Variants in MACROD2 observed in about 807,000 individuals in gnomAD.
MACROD2 encodes ADP-ribose glycohydrolase MACROD2.
A neutral mutation model predicts 70.4 loss-of-function variants in MACROD2; 36 were observed. The observed-to-expected ratio is 0.51, with a 90% CI of 0.39 to 0.68. The LOEUF is 0.68. Among genes scored for constraint, MACROD2 ranks in the 30% least tolerant of loss-of-function variants. The pLI is 0.00. For missense variants in MACROD2, 496 were observed against 538.4 expected (o/e 0.92, Z 0.78); for synonymous variants, 172 against 178.8 (o/e 0.96, Z 0.30).
At chr20:15,989,118 A>G (rs1039613962) in intron 15 of MACROD2, among the ~76,000 whole-genome samples, 3 of 152,202 alleles carry the variant, frequency 2.0e-5, no homozygotes, top group Non-Finnish European at 2.9e-5. Flanking sequence ...AATTAAAACA[A>G]TGCATGACAC....
At chr20:15,416,051 T>G (rs1263206989) in intron 6 of MACROD2, among the ~76,000 whole-genome samples, 1 of 152,194 alleles carries the variant, frequency 6.6e-6, no homozygotes, top group Non-Finnish European at 1.5e-5. Flanking sequence ...ATTAATGCAG[T>G]GAACACTGAG....
chr20:15,499,653 T>C, intron 7 of MACROD2, 121 bp from the exon 8 acceptor site: 1 of 804,182 alleles, frequency 1.2e-6, no homozygotes, highest in Non-Finnish European at 2.1e-6. Flanking sequence ...TACTGAGGCC[T>C]GTACTTATTG....
chr20:14,612,150 G>C (rs1983210834), intron 4 of MACROD2, among the ~76,000 whole-genome samples: 2 of 152,208 alleles, frequency 1.3e-5, no homozygotes, highest in South Asian at 4.1e-4. Flanking sequence ...AGATGTTTAA[G>C]CACCAAAGGG....
intron 6 of MACROD2, among the ~76,000 whole-genome samples, chr20:15,243,492 T>C (rs2077077969): frequency 6.6e-6 from 1 of 152,182 alleles, no homozygotes; most frequent in African/African-American, 2.4e-5. Context: ...TTCTTGGTTA[T>C]CTGGCTCATT....
chr20:15,806,161 C>T (rs2063767369), intron 8 of MACROD2, among the ~76,000 whole-genome samples: 1 of 152,318 alleles, frequency 6.6e-6, no homozygotes, highest in Non-Finnish European at 1.5e-5. Context: ...CTCCAACATG[C>T]CTTTTCCCTG....
At chr20:15,993,759 C>G (rs969910024) in intron 15 of MACROD2, among the ~76,000 whole-genome samples, 1 of 152,164 alleles carries the variant, frequency 6.6e-6, no homozygotes, top group African/African-American at 2.4e-5. Flanking sequence ...TAATATCATA[C>G]AGGACAATAC....
intron 5 of MACROD2, among the ~76,000 whole-genome samples, chr20:14,812,088 A>C (rs552122387): frequency 4.0e-4 from 61 of 152,252 alleles, no homozygotes; most frequent in Non-Finnish European, 7.5e-4. Flanking sequence ...TATATACCCA[A>C]AGGATTGTAA....
intron 3 of MACROD2, among the ~76,000 whole-genome samples, chr20:14,203,663 A>G (rs1383253920): frequency 1.3e-5 from 2 of 152,162 alleles, no homozygotes; most frequent in Non-Finnish European, 2.9e-5. Context: ...ATCAGTGTCA[A>G]TGGTGTGAGT....
At chr20:14,575,853 T>A (rs1980565178) in intron 4 of MACROD2, among the ~76,000 whole-genome samples, 1 of 152,176 alleles carries the variant, frequency 6.6e-6, no homozygotes, top group Non-Finnish European at 1.5e-5. Flanking sequence ...ATTGCTTAAA[T>A]TTAGTGCAGT....
intron 8 of MACROD2, among the ~76,000 whole-genome samples, chr20:15,640,277 G>T (rs2049439073): frequency 6.6e-6 from 1 of 151,870 alleles, no homozygotes; most frequent in African/African-American, 2.4e-5. Flanking sequence ...ACAGTGAGGG[G>T]GAAATAAAGG....
At chr20:15,743,309 C>G (rs2051132401) in intron 8 of MACROD2, among the ~76,000 whole-genome samples, 1 of 152,130 alleles carries the variant, frequency 6.6e-6, no homozygotes, top group South Asian at 2.1e-4. Context: ...TCATCTATCA[C>G]TTGGCTATAG....
intron 6 of MACROD2, among the ~76,000 whole-genome samples, chr20:15,311,357 C>T (rs2077750469): frequency 6.6e-6 from 1 of 152,136 alleles, no homozygotes; most frequent in Admixed American, 6.6e-5. Context: ...TACTATCTCT[C>T]ATTTGGTAGA....
At chr20:14,867,286 A>C (rs762993589) in intron 5 of MACROD2, among the ~76,000 whole-genome samples, 1 of 152,176 alleles carries the variant, frequency 6.6e-6, no homozygotes, top group Non-Finnish European at 1.5e-5. Flanking sequence ...ATATGAGAAC[A>C]TACTTACTGT....
chr20:15,192,686 A>T (rs111401101), intron 5 of MACROD2, among the ~76,000 whole-genome samples: 3 of 152,206 alleles, frequency 2.0e-5, no homozygotes, highest in African/African-American at 7.2e-5. Context: ...ATACATCCAG[A>T]CACTGACACT....
intron 5 of MACROD2, among the ~76,000 whole-genome samples, chr20:14,784,352 C>T (rs2072338000): frequency 6.6e-6 from 1 of 152,084 alleles, no homozygotes; most frequent in Non-Finnish European, 1.5e-5. Flanking sequence ...TGTGTTTTTA[C>T]CTTGTATATT....
At chr20:14,303,975 A>G (rs1175880004) in intron 3 of MACROD2, among the ~76,000 whole-genome samples, 2 of 152,182 alleles carry the variant, frequency 1.3e-5, no homozygotes, top group Non-Finnish European at 1.5e-5. Context: ...TAGCTCTACA[A>G]GTCTAGTCTT....
intron 7 of MACROD2, among the ~76,000 whole-genome samples, chr20:15,440,512 C>A (rs1025049847): frequency 6.6e-6 from 1 of 152,166 alleles, no homozygotes; most frequent in Non-Finnish European, 1.5e-5. Context: ...AGGAGACCAG[C>A]GCAATGTTAT....
intron 2 of MACROD2, among the ~76,000 whole-genome samples, chr20:14,065,986 A>G (rs914675261): frequency 1.3e-5 from 2 of 152,208 alleles, no homozygotes; most frequent in Non-Finnish European, 2.9e-5. Context: ...ACCTCTCAGT[A>G]CTTTAGTTTC....
intron 8 of MACROD2, among the ~76,000 whole-genome samples, chr20:15,551,701 T>C (rs2048099509): frequency 6.6e-6 from 1 of 151,912 alleles, no homozygotes. Context: ...GAACCCCGTC[T>C]CTACAAAAAA....
Sources: gnomAD v4.1 joint callset for allele counts (sites outside exome capture counted in the v4.1 genomes callset) on GRCh38, gnomAD v4.1.1 for gene constraint, MANE v1.5 for transcripts, NCBI Gene and HGNC (gene_info 2026-07-23, HGNC 2026-07-21) for gene names.